Variants in GOLGA4 observed in about 807,000 individuals in gnomAD.
GOLGA4 encodes the protein golgin A4.
In GOLGA4, 169 loss-of-function variants were observed where a neutral mutation model predicts 265.9. The observed-to-expected ratio is 0.64, with a 90% CI of 0.56 to 0.72. GOLGA4 has a LOEUF of 0.72. Ranked by LOEUF, GOLGA4 falls within the 30% of genes least tolerant of loss-of-function variation. GOLGA4 has a pLI of 0.00. For synonymous variants in GOLGA4, 923 were observed against 855.8 expected (o/e 1.08, Z -1.37); for missense variants, 2,482 against 2,483.4 (o/e 1.00, Z 0.01).
chr3:37,248,941 A>G (rs1204348629), intron 1 of GOLGA4, among the ~76,000 whole-genome samples: 1 of 152,242 alleles, frequency 6.6e-6, no homozygotes, highest in East Asian at 1.9e-4. Flanking sequence ...GACATGATAG[A>G]ATCACAACAG....
intron 2 of GOLGA4, chr3:37,273,563 C>T: frequency 6.6e-7 from 1 of 1,515,334 alleles, no homozygotes; most frequent in Non-Finnish European, 8.9e-7. Flanking sequence ...CTCGAAATCT[C>T]CTGACAGTGT....
intron 11 of GOLGA4, 47 bp downstream of exon 11, chr3:37,315,645 T>C (rs773389792): frequency 6.8e-7 from 1 of 1,471,696 alleles, no homozygotes; most frequent in East Asian, 2.3e-5. Context: ...ATTTGAAATT[T>C]AAGTGTATTT....
At chr3:37,349,970 G>A (rs912927994) in intron 21 of GOLGA4, among the ~76,000 whole-genome samples, 13 of 152,058 alleles carry the variant, frequency 8.5e-5, no homozygotes, top group African/African-American at 1.9e-4. Context: ...CCTTCTGTCC[G>A]TATACTTTCT....
chr3:37,327,729 G>C lies in GOLGA4; in HGVS notation c.5843G>C (p.Arg1948Thr), dbSNP rs1362209780. 8 of 1,613,570 alleles carry C rather than the reference G, an allele frequency of 5.0e-6. No homozygotes were observed. Among genetic ancestry groups the C allele is most frequent in the Non-Finnish European group, 6.8e-6 (8 of 1,179,626 alleles). Residue 1948 changes from arginine (R) to threonine (T), a missense_variant, in exon 14 of 24, where the codon AGA becomes ACA. By Grantham distance (71) the Arg-to-Thr change is moderately conservative. Transcript: ENST00000361924. ...CAGAAACTGGGCAAGGAGATTGTTA[G>C]ATTGCAGAAAGACCTTCGAATGTTG... ...EKQKLGKEIVRLQKDLRMLRK... is the reference protein window; with the variant it reads ...EKQKLGKEIVTLQKDLRMLRK...
rs368873127 is a variant in GOLGA4 at position 37,286,057 on chromosome 3, T to A, written c.521T>A (p.Leu174Gln). 2 of 1,545,168 alleles carry A rather than the reference T, an allele frequency of 1.3e-6. No homozygotes were observed. The highest frequency in any genetic ancestry group is 1.8e-6 in the Non-Finnish European group (2 of 1,124,540). ...YQMLQREKKK[L>Q]QGILSQSQDK... ...ATGCTTCAGAGAGAGAAGAAAAAGCTACAAGTAAGTGATTTGTCAACTGCA... is the reference window on the plus strand; with the variant it reads ...ATGCTTCAGAGAGAGAAGAAAAAGCAACAAGTAAGTGATTTGTCAACTGCA... The change falls in exon 4 of 24, where the codon CTA becomes CAA. Residue 174 changes from leucine (L) to glutamine (Q), a missense_variant. Leu to Gln is a moderately radical substitution (Grantham distance 113). Transcript: ENST00000361924.
At chr3:37,256,685 TC>T (rs2096749656) in intron 2 of GOLGA4, among the ~76,000 whole-genome samples, 1 of 152,122 alleles carries the variant, frequency 6.6e-6, no homozygotes, top group African/African-American at 2.4e-5. Flanking sequence ...GGGCTTCCTG[TC>T]CTTGTTGTTG....
In GOLGA4 at chr3:37,325,856, C is replaced by G. The variant is rs2096968830; in HGVS notation, c.3970C>G (p.Gln1324Glu). The change falls in exon 14 of 24, where the codon CAG becomes GAG. Residue 1324 changes from glutamine to glutamate, a missense_variant. This residue lies in a region of GOLGA4 where 1,536 missense variants were observed against 1,483.7 expected (regional missense o/e 1.04). Coordinates refer to ENST00000361924, the MANE Select transcript of GOLGA4 (RefSeq NM_002078.5). Reference sequence around the variant, plus strand: ...TCTTGTAACAGAAAAAGAAGCCTTACAGAAGGAAGGAGGCAATCAGCAACA... The same window carrying G: ...TCTTGTAACAGAAAAAGAAGCCTTAGAGAAGGAAGGAGGCAATCAGCAACA... ...ESLVTEKEALQKEGGNQQQAA... is the reference protein window; with the variant it reads ...ESLVTEKEALEKEGGNQQQAA... 1 of 1,613,346 alleles carries G rather than the reference C, an allele frequency of 6.2e-7. No individual in the cohort carries two copies. The highest frequency in any genetic ancestry group is 2.2e-5 in the East Asian group (1 of 44,838).
At chr3:37,341,748 A>G (rs2097035087) in intron 20 of GOLGA4, 1 of 152,136 alleles carries the variant, frequency 6.6e-6, no homozygotes, top group Non-Finnish European at 1.5e-5. Context: ...AACTATACTA[A>G]ATCAATACTC....
At chr3:37,321,998 A>C (rs1425507198) in intron 13 of GOLGA4, 112 bp downstream of exon 13, 1 of 813,048 alleles carries the variant, frequency 1.2e-6, no homozygotes, top group Non-Finnish European at 1.9e-6. Flanking sequence ...ATTTATGTAT[A>C]CATGCCCTTC....
chr3:37,312,861 A>C (rs577854150), intron 10 of GOLGA4, among the ~76,000 whole-genome samples: 1 of 152,276 alleles, frequency 6.6e-6, no homozygotes, highest in Admixed American at 6.5e-5. Context: ...CAGCTAATTA[A>C]TATTCCTTTG....
intron 23 of GOLGA4, among the ~76,000 whole-genome samples, chr3:37,362,699 A>ATTT (rs1696406239): frequency 7.2e-6 from 1 of 139,104 alleles, no homozygotes; most frequent in Non-Finnish European, 1.6e-5. Flanking sequence ...TTTTTATTTT[A>ATTT]TTTTATTTTG....
At chr3:37,330,675 G>A (rs1162747216) in intron 16 of GOLGA4, among the ~76,000 whole-genome samples, 2 of 152,118 alleles carry the variant, frequency 1.3e-5, no homozygotes, top group African/African-American at 2.4e-5. Flanking sequence ...GCAAGGGAGT[G>A]GCATGGACTC....
intron 19 of GOLGA4, among the ~76,000 whole-genome samples, 158 bp from the exon 20 acceptor site, chr3:37,339,966 T>C (rs1326110848): frequency 3.3e-5 from 5 of 152,164 alleles, no homozygotes; most frequent in African/African-American, 4.8e-5. Flanking sequence ...GTTTTTTTTT[T>C]CGCAGAAACA....
chr3:37,322,493 T>A (rs2096957848), intron 13 of GOLGA4, among the ~76,000 whole-genome samples: 1 of 152,226 alleles, frequency 6.6e-6, no homozygotes, highest in Non-Finnish European at 1.5e-5. Context: ...GCTTTTTTGC[T>A]CTGATTTAGA....
chr3:37,353,011 T>A (rs150763094), intron 21 of GOLGA4, among the ~76,000 whole-genome samples: 45 of 152,178 alleles, frequency 3.0e-4, no homozygotes, highest in African/African-American at 1.0e-3. Flanking sequence ...GGGTTATTAA[T>A]TGGCCTAATT....
rs752665449 is a variant in GOLGA4 at position 37,323,702 on chromosome 3, A to C, written c.1816A>C (p.Thr606Pro). ...AEKNKHNKEI[T>P]VMVEKHKTEL... ...AAAAAATAAGCACAATAAGGAGATT[A>C]CAGTCATGGTTGAAAAACACAAGAC... The change falls in exon 14 of 24, where the codon ACA becomes CCA. Residue 606 changes from threonine to proline, a missense_variant. Around this residue, in one of 3 missense-constraint regions of GOLGA4, gnomAD observed 1,536 missense variants for 1,483.7 expected, o/e 1.04. Transcript: ENST00000361924. The C allele has an allele frequency of 1.9e-6, 3 of 1,613,634 alleles. No homozygotes were observed. Among genetic ancestry groups the C allele is most frequent in the Non-Finnish European group, 2.5e-6 (3 of 1,179,892 alleles).
chr3:37,257,974 CATAT>C (rs10526196), intron 2 of GOLGA4, among the ~76,000 whole-genome samples: 1 of 40,214 alleles, frequency 2.5e-5, no homozygotes, highest in Non-Finnish European at 4.7e-5. Flanking sequence ...TATATACATA[CATAT>C]ATATATGTAT....
At chr3:37,322,627 G>T (rs565400858) in intron 13 of GOLGA4, among the ~76,000 whole-genome samples, 1 of 152,236 alleles carries the variant, frequency 6.6e-6, no homozygotes, top group East Asian at 1.9e-4. Flanking sequence ...TCTTCCACTT[G>T]TTAGATTTTT....
At chr3:37,274,099 CAAA>C (rs34797146) in intron 2 of GOLGA4, among the ~76,000 whole-genome samples, 5 of 101,982 alleles carry the variant, frequency 4.9e-5, no homozygotes, top group South Asian at 3.7e-4. Flanking sequence ...GGCTCTGTCT[CAAA>C]AAAAAAAAAA....
Sources: gnomAD v4.1 joint callset for allele counts (sites outside exome capture counted in the v4.1 genomes callset) on GRCh38, gnomAD v4.1.1 for gene constraint, gnomAD v4.1.1 regional missense constraint, MANE v1.5 for transcripts, NCBI Gene and HGNC (gene_info 2026-07-23, HGNC 2026-07-21) for gene names.